Variants in GFRA2 observed in about 807,000 individuals in gnomAD.
GFRA2 encodes GDNF family receptor alpha-2.
GFRA2 carries 17 observed loss-of-function variants against 48.3 expected under a neutral mutation model. The ratio of observed to expected loss-of-function variants is 0.35; its 90% CI spans 0.24 to 0.53. The LOEUF (loss-of-function observed/expected upper bound fraction) is 0.53. Ranked by LOEUF, GFRA2 falls within the 20% of genes least tolerant of loss-of-function variation. The probability of loss-of-function intolerance (pLI) is 0.93; values close to 1 mark genes in which losing one functional copy is unlikely to be tolerated. For missense variants in GFRA2, 660 were observed against 637.3 expected, an observed-to-expected ratio of 1.04 and a Z score of -0.38; for synonymous variants, 305 against 257.2, an observed-to-expected ratio of 1.19 and a Z score of -1.78.
chr8:21,771,042 G>T (rs1806413935), intron 3 of GFRA2, among the ~76,000 whole-genome samples: 1 of 152,180 alleles, frequency 6.6e-6, no homozygotes, highest in Non-Finnish European at 1.5e-5. Flanking sequence ...GAGCACCCCA[G>T]GCAGACAGAG....
intron 1 of GFRA2, among the ~76,000 whole-genome samples, chr8:21,785,612 T>G (rs1807233698): frequency 6.6e-6 from 1 of 152,204 alleles, no homozygotes. Context: ...ATTGCCCTAC[T>G]GCATCCAACA....
chr8:21,789,673 G>A (rs930547641), upstream of GFRA2, among the ~76,000 whole-genome samples: 25 of 152,002 alleles, frequency 1.6e-4, no homozygotes, highest in African/African-American at 6.0e-4. Context: ...ACATACACGT[G>A]TGCTCTCCGC....
intron 2 of GFRA2, among the ~76,000 whole-genome samples, chr8:21,795,364 C>CTTTTTTTT (rs1220043308): frequency 6.7e-6 from 1 of 148,476 alleles, no homozygotes; most frequent in African/African-American, 2.5e-5. Flanking sequence ...TTTTTTTTTT[C>CTTTTTTTT]TTTTTTCTTT....
chr8:21,709,688 C>T (rs531257037), intron 4 of GFRA2, among the ~76,000 whole-genome samples: 1 of 152,294 alleles, frequency 6.6e-6, no homozygotes, highest in East Asian at 1.9e-4. Flanking sequence ...AGGGCCCACA[C>T]ACTCTCTGCA....
chr8:21,764,283 G>C (rs977262267), intron 3 of GFRA2, among the ~76,000 whole-genome samples: 1 of 152,132 alleles, frequency 6.6e-6, no homozygotes, highest in Non-Finnish European at 1.5e-5. Context: ...TCTTCTGGCT[G>C]TGTCCTCACT....
chr8:21,771,655 C>T (rs1359871671), intron 3 of GFRA2, among the ~76,000 whole-genome samples: 4 of 152,160 alleles, frequency 2.6e-5, no homozygotes, highest in African/African-American at 7.2e-5. Context: ...GAAGAATACA[C>T]GTTCCAGGAG....
chr8:21,782,888 G>T lies in GFRA2; in HGVS notation c.52C>A (p.Arg18Ser). 1 of 1,556,650 alleles carries T rather than the reference G, an allele frequency of 6.4e-7. No individual in the cohort carries two copies. The highest frequency in any genetic ancestry group is 1.9e-5 in the Admixed American group (1 of 53,276). ...CLFFFLDETL[R>S]SLASPSSLQG... Reference sequence around the variant, plus strand: ...AGGGAGGAAGGGCTGGCCAAAGAGCGGAGGGTCTCGTCTGGGTGGTGGGGA... The same window carrying T: ...AGGGAGGAAGGGCTGGCCAAAGAGCTGAGGGTCTCGTCTGGGTGGTGGGGA... The change falls in exon 2 of 9, where the codon CGC becomes AGC. Residue 18 changes from arginine (R) to serine (S), a missense_variant. By Grantham distance (110) the Arg-to-Ser change is moderately radical. Coordinates refer to ENST00000524240, the MANE Select transcript of GFRA2 (RefSeq NM_001495.5).
chr8:21,812,033 C>G (rs1402939801), intron 1 of GFRA2, among the ~76,000 whole-genome samples: 1 of 152,218 alleles, frequency 6.6e-6, no homozygotes, highest in African/African-American at 2.4e-5. Flanking sequence ...CGCACTCCCC[C>G]CAGCCCCTGG....
intron 4 of GFRA2, among the ~76,000 whole-genome samples, chr8:21,711,307 G>C (rs1242410988): frequency 6.6e-6 from 1 of 152,168 alleles, no homozygotes; most frequent in African/African-American, 2.4e-5. Context: ...AGGCATGAGA[G>C]ACAGAGAGAA....
intron 7 of GFRA2, among the ~76,000 whole-genome samples, chr8:21,701,297 G>A (rs1439206758): frequency 6.6e-6 from 1 of 152,230 alleles, no homozygotes; most frequent in Non-Finnish European, 1.5e-5. Flanking sequence ...GGGAGGCTGA[G>A]GCAGGAGAAT....
At chr8:21,766,688 T>C (rs1806171215) in intron 3 of GFRA2, among the ~76,000 whole-genome samples, 1 of 148,936 alleles carries the variant, frequency 6.7e-6, no homozygotes, top group Non-Finnish European at 1.5e-5. Flanking sequence ...TGGGGGGTCA[T>C]TCCCCTGATG....
intron 3 of GFRA2, among the ~76,000 whole-genome samples, chr8:21,772,432 G>C (rs1300364444): frequency 1.3e-5 from 2 of 152,150 alleles, no homozygotes; most frequent in African/African-American, 4.8e-5. Context: ...GCCTCCAAAA[G>C]TGCTGAAATT....
intron 3 of GFRA2, among the ~76,000 whole-genome samples, chr8:21,765,849 G>A (rs1343848809): frequency 1.3e-5 from 2 of 152,006 alleles, no homozygotes; most frequent in African/African-American, 4.8e-5. Context: ...AAAATATCGA[G>A]TTGTCCATAA....
rs1274847859 is a variant in GFRA2, at chr8:21,692,157, A to G, written c.*1121T>C. On this transcript the variant is annotated 3_prime_UTR_variant, in exon 9 of 9. Transcript: ENST00000524240. ...TTCCCCATTATAGACAACAGTATTAAAAAAAATAAACTTTACAATAATACA... is the reference window on the plus strand; with the variant it reads ...TTCCCCATTATAGACAACAGTATTAGAAAAAATAAACTTTACAATAATACA... The G allele has an allele frequency of 6.6e-6, 1 of 152,542 alleles. No homozygotes were observed. Among genetic ancestry groups the G allele is most frequent in the Non-Finnish European group, 1.5e-5 (1 of 68,026 alleles). The allele number at this position is 152,542 out of a possible 1,614,324, so 9.4% of individuals were successfully genotyped here.
intron 6 of GFRA2, among the ~76,000 whole-genome samples, 176 bp downstream of exon 6, chr8:21,704,809 C>A (rs1802656696): frequency 6.6e-6 from 1 of 152,170 alleles, no homozygotes; most frequent in Non-Finnish European, 1.5e-5. Context: ...CTACTGACAG[C>A]TCTGGTGTGA....
chr8:21,804,727 T>C (rs1378034063), intron 2 of GFRA2, among the ~76,000 whole-genome samples: 1 of 152,158 alleles, frequency 6.6e-6, no homozygotes, highest in Non-Finnish European at 1.5e-5. Context: ...ATCAATAAGT[T>C]CCATTGTGTC....
upstream of GFRA2, chr8:21,789,993 G>C: frequency 1.2e-6 from 1 of 836,734 alleles, no homozygotes; most frequent in Non-Finnish European, 1.4e-6. Flanking sequence ...GGCTCCCTAG[G>C]CTCCGGGGTT....
At chr8:21,797,448 C>G (rs1230159966) in intron 2 of GFRA2, 10 of 152,006 alleles carry the variant, frequency 6.6e-5, no homozygotes, top group African/African-American at 1.7e-4. Flanking sequence ...ATTAGTTGAG[C>G]GTGGAGGTGC....
At chr8:21,787,424 G>A (rs1366028537) in intron 1 of GFRA2, among the ~76,000 whole-genome samples, 2 of 152,196 alleles carry the variant, frequency 1.3e-5, no homozygotes, top group Admixed American at 6.5e-5. Context: ...CAGAGGTGGA[G>A]GAGGGAAGGC....
Sources: allele counts gnomAD v4.1 joint callset (sites outside exome capture counted in the v4.1 genomes callset), GRCh38; gene constraint gnomAD v4.1.1; transcripts MANE v1.5; gene names NCBI Gene and HGNC (gene_info 2026-07-23, HGNC 2026-07-21).